The following CCDC6 variants were observed in gnomAD, a reference collection of about 807,000 sequenced individuals.
CCDC6 encodes the protein coiled-coil domain-containing protein 6.
A neutral mutation model predicts 56.6 loss-of-function variants in CCDC6; 20 were observed. That is an observed-to-expected ratio of 0.35 (90% confidence interval 0.25 to 0.51). The LOEUF (loss-of-function observed/expected upper bound fraction) is 0.51. CCDC6 is among the 20% of genes least tolerant of loss of function. The pLI is 0.95. For missense variants in CCDC6, 367 were observed against 601.1 expected, an observed-to-expected ratio of 0.61 and a Z score of 4.07; for synonymous variants, 241 against 234.4, an observed-to-expected ratio of 1.03 and a Z score of -0.26.
intron 1 of CCDC6, among the ~76,000 whole-genome samples, chr10:59,871,188 T>A (rs976317762): frequency 2.6e-5 from 4 of 152,126 alleles, no homozygotes; most frequent in African/African-American, 9.7e-5. Context: ...GTATAAGTAT[T>A]ATGTATATAA....
At chr10:59,848,973 C>T (rs946066329) in intron 2 of CCDC6, among the ~76,000 whole-genome samples, 1 of 152,340 alleles carries the variant, frequency 6.6e-6, no homozygotes, top group South Asian at 2.1e-4. Context: ...GCCTCGGCCT[C>T]CCAAAGTGCT....
chr10:59,903,312 G>A (rs750108667), intron 1 of CCDC6, among the ~76,000 whole-genome samples: 2 of 152,190 alleles, frequency 1.3e-5, no homozygotes, highest in African/African-American at 4.8e-5. Flanking sequence ...ATGTATCAAC[G>A]TAGGTTCACT....
chr10:59,884,163 G>A (rs1227055150), intron 1 of CCDC6, among the ~76,000 whole-genome samples: 1 of 152,096 alleles, frequency 6.6e-6, no homozygotes, highest in African/African-American at 2.4e-5. Flanking sequence ...TGTTAAGAAA[G>A]TTGACTAAGT....
At chr10:59,844,156 C>A (rs1298923765) in intron 2 of CCDC6, among the ~76,000 whole-genome samples, 1 of 152,092 alleles carries the variant, frequency 6.6e-6, no homozygotes, top group African/African-American at 2.4e-5. Context: ...CTATTTTCTA[C>A]AGGAAAAGCC....
intron 1 of CCDC6, among the ~76,000 whole-genome samples, chr10:59,905,122 T>C (rs977574967): frequency 6.6e-6 from 1 of 152,208 alleles, no homozygotes; most frequent in African/African-American, 2.4e-5. Context: ...GTGGGGATCC[T>C]TCATGTTAAT....
intron 1 of CCDC6, among the ~76,000 whole-genome samples, chr10:59,864,415 T>C (rs552704039): frequency 1.7e-4 from 26 of 152,226 alleles, no homozygotes; most frequent in Admixed American, 1.6e-3. Context: ...CAAAACAAAG[T>C]TAGCACCTAA....
intron 1 of CCDC6, among the ~76,000 whole-genome samples, chr10:59,853,445 G>GATCA (rs900006680): frequency 6.6e-6 from 1 of 151,894 alleles, no homozygotes; most frequent in African/African-American, 2.4e-5. Flanking sequence ...AAGGCAAGAG[G>GATCA]ATCACTTGAA....
At chr10:59,888,626 AAAGCCTGTG>A (rs377099309) in intron 1 of CCDC6, among the ~76,000 whole-genome samples, 69 of 152,284 alleles carry the variant, frequency 4.5e-4, no homozygotes, top group Admixed American at 1.3e-3. Flanking sequence ...TGATCACAGA[AAAGCCTGTG>A]ATGTTTACCT....
chr10:59,870,194 A>G (rs2071216252), intron 1 of CCDC6, among the ~76,000 whole-genome samples: 1 of 152,130 alleles, frequency 6.6e-6, no homozygotes, highest in African/African-American at 2.4e-5. Flanking sequence ...TATGGCAAGT[A>G]CTCCGATACT....
intron 2 of CCDC6, among the ~76,000 whole-genome samples, chr10:59,837,926 A>G (rs1006330488): frequency 2.0e-5 from 3 of 152,056 alleles, no homozygotes; most frequent in African/African-American, 7.2e-5. Flanking sequence ...CCCCAGGACA[A>G]TAACTGCATT....
chr10:59,896,095 T>A (rs142057458), intron 1 of CCDC6, among the ~76,000 whole-genome samples: 1 of 152,378 alleles, frequency 6.6e-6, no homozygotes, highest in Non-Finnish European at 1.5e-5. Context: ...TCCTGGACTC[T>A]GCCCTATATG....
intron 1 of CCDC6, among the ~76,000 whole-genome samples, chr10:59,902,677 G>A (rs112653303): frequency 3.3e-5 from 5 of 152,162 alleles, no homozygotes; most frequent in African/African-American, 1.2e-4. Flanking sequence ...TGGGATTACA[G>A]GCATGAGCCA....
chr10:59,895,570 A>G (rs1003216355), intron 1 of CCDC6, among the ~76,000 whole-genome samples: 8 of 152,268 alleles, frequency 5.3e-5, no homozygotes, highest in African/African-American at 1.9e-4. Flanking sequence ...CCTAACCCAT[A>G]GTAAGCACTG....
intron 7 of CCDC6, among the ~76,000 whole-genome samples, chr10:59,798,038 C>A (rs536875577): frequency 6.6e-6 from 1 of 152,158 alleles, no homozygotes; most frequent in Non-Finnish European, 1.5e-5. Flanking sequence ...AGTCACCAGC[C>A]GGTCTGGGGA....
chr10:59,873,637 C>CT (rs2071251439), intron 1 of CCDC6, among the ~76,000 whole-genome samples: 1 of 152,132 alleles, frequency 6.6e-6, no homozygotes, highest in Admixed American at 6.5e-5. Context: ...CCAAAAAAAC[C>CT]TAAATTCTAA....
intron 4 of CCDC6, among the ~76,000 whole-genome samples, chr10:59,813,949 G>A (rs2070692268): frequency 6.6e-6 from 1 of 152,116 alleles, no homozygotes; most frequent in Non-Finnish European, 1.5e-5. Flanking sequence ...AGATCTTGGT[G>A]AAGTAGATTA....
At chr10:59,863,611 A>T (rs1321089792) in intron 1 of CCDC6, among the ~76,000 whole-genome samples, 1 of 152,208 alleles carries the variant, frequency 6.6e-6, no homozygotes, top group East Asian at 1.9e-4. Flanking sequence ...TTATAGTTCA[A>T]CTCTGTAAAT....
Position 59,833,645 on chromosome 10 carries a change from G to T in CCDC6, c.454-992C>A, listed in dbSNP as rs977796686. Reference sequence around the variant, plus strand: ...ATTTTTATAACACTCTCAACTGGGGGGGGGGGGGGTTTGTTGATCCACAGC... The same window carrying T: ...ATTTTTATAACACTCTCAACTGGGGTGGGGGGGGGTTTGTTGATCCACAGC... On this transcript the variant is annotated intron_variant, in intron 2 of 8. Transcript: ENST00000263102. 3.3e-4 allele frequency among the ~76,000 whole-genome samples: 48 copies of T among 143,750 alleles called. 3 individuals carry two copies. The highest frequency in any genetic ancestry group is 9.6e-4 in the African/African-American group (38 of 39,408). 94.3% of individuals were successfully genotyped at this position (143,750 alleles called of 152,430 possible). A position where few individuals can be genotyped will look rare whatever the true frequency, so the allele number is the denominator to read the frequency against.
At chr10:59,905,625 C>A (rs1281745922) in intron 1 of CCDC6, among the ~76,000 whole-genome samples, 1 of 152,220 alleles carries the variant, frequency 6.6e-6, no homozygotes, top group Non-Finnish European at 1.5e-5. Flanking sequence ...CCTCCCCGGG[C>A]GATCCAGCTA....
Sources: allele counts gnomAD v4.1 joint callset (sites outside exome capture counted in the v4.1 genomes callset), GRCh38; gene constraint gnomAD v4.1.1; transcripts MANE v1.5; gene names NCBI Gene and HGNC (gene_info 2026-07-23, HGNC 2026-07-21).